The following KASH5 variants were observed in gnomAD, a reference collection of about 807,000 sequenced individuals.
KASH5 encodes the protein KASH domain containing 5, also known as protein KASH5.
In KASH5, 72 loss-of-function variants were observed where a neutral mutation model predicts 84.2. That is an observed-to-expected ratio of 0.85 (90% confidence interval 0.71 to 1.04). The LOEUF (loss-of-function observed/expected upper bound fraction) is 1.04. Among genes scored for constraint, KASH5 ranks in the 50% least tolerant of loss-of-function variants. The probability of loss-of-function intolerance (pLI) is 0.00; values close to 1 mark genes in which losing one functional copy is unlikely to be tolerated. For missense variants in KASH5, 650 were observed against 701.0 expected, an observed-to-expected ratio of 0.93 and a Z score of 0.82; for synonymous variants, 260 against 279.1, an observed-to-expected ratio of 0.93 and a Z score of 0.68.
intron 9 of KASH5, among the ~76,000 whole-genome samples, chr19:49,401,388 C>A (rs1401852605): frequency 3.9e-5 from 6 of 152,224 alleles, no homozygotes; most frequent in Non-Finnish European, 7.3e-5. Flanking sequence ...CTGTCCGTCA[C>A]TCATTTCCCT....
Position 49,414,966 on chromosome 19 carries a change from G to A in KASH5, c.1344G>A (p.Glu448=), listed in dbSNP as rs375930464. ...KEPSMWLTRR[E]EEEDAESQVT... Reference sequence around the variant, plus strand: ...TGGCCCTCAGGTTGACCAGAAGAGAGGAAGAGGAGGATGCAGAGAGCCAGG... The same window carrying A: ...TGGCCCTCAGGTTGACCAGAAGAGAAGAAGAGGAGGATGCAGAGAGCCAGG... Residue 448 remains glutamate (E), a synonymous_variant, in exon 17 of 20, where the codon GAG becomes GAA. Transcript: ENST00000447857. This position sits in a 1 kb window ranked among gnomAD's most constrained non-coding sequence, Gnocchi z 4.5. 6.2e-7 allele frequency: 1 copy of A among 1,613,066 alleles called. No homozygotes were observed.
intron 9 of KASH5, among the ~76,000 whole-genome samples, chr19:49,401,305 A>G (rs1205597190): frequency 6.6e-6 from 1 of 151,954 alleles, no homozygotes; most frequent in Non-Finnish European, 1.5e-5. Context: ...CATGGTGGGG[A>G]GATGTGGCTT....
rs1974818403 is a variant in KASH5 at position 49,414,218 on chromosome 19, G to T, written c.1329-733G>T. ...AGGGAAGGGTCAGGTCTCATCTCCT[G>T]GCCTACAGGCCCAGGGTCTACTCCC... On this transcript the variant is annotated intron_variant, in intron 16 of 19. Transcript: ENST00000447857. The surrounding 1 kb of genome is among the most constrained non-coding windows in gnomAD (Gnocchi z 4.5). 6.6e-6 allele frequency among the ~76,000 whole-genome samples: 1 copy of T among 152,042 alleles called. No homozygotes were observed. Among genetic ancestry groups the T allele is most frequent in the Non-Finnish European group, 1.5e-5 (1 of 67,990 alleles).
At chr19:49,393,682 CGT>C (rs34539350) in intron 2 of KASH5, 8,343 of 142,082 alleles carry the variant, frequency 0.059, 253 homozygotes, top group South Asian at 0.083. Context: ...GACCCCAGGA[CGT>C]GTGTGTGTGT....
Position 49,390,859 on chromosome 19 carries a change from A to G in KASH5, c.-25A>G. ...GAGGGAGGCTGGTAGCTTTGCCAGC[A>G]GCTGCGCCGCGGCAGGGGTGGCCCA... On this transcript the variant is annotated 5_prime_UTR_variant, in exon 2 of 20. Transcript: ENST00000447857. 6.3e-7 allele frequency: 1 copy of G among 1,583,052 alleles called. No homozygotes were observed. Among genetic ancestry groups the G allele is most frequent in the Non-Finnish European group, 8.6e-7 (1 of 1,167,730 alleles).
intron 5 of KASH5, among the ~76,000 whole-genome samples, chr19:49,397,444 G>T (rs1019426834): frequency 4.6e-5 from 7 of 152,102 alleles, no homozygotes; most frequent in Admixed American, 2.6e-4. Context: ...GGGGAGTTAG[G>T]GTTATCTGGG....
intron 2 of KASH5, among the ~76,000 whole-genome samples, chr19:49,391,173 C>G (rs1973992753): frequency 6.6e-6 from 1 of 152,160 alleles, no homozygotes; most frequent in South Asian, 2.1e-4. Flanking sequence ...AGCAGCCGCA[C>G]CCCTTACTCC....
Position 49,400,225 on chromosome 19 carries a change from CAAAAA to C in KASH5, c.798+736_798+740del, listed in dbSNP as rs34052696. Among the ~76,000 whole-genome samples the C allele has an allele frequency of 2.8e-4, 23 of 81,268 alleles. No homozygotes were observed. The South Asian group carries it at 8.8e-3, about 31-fold the overall frequency. 53.3% of individuals were successfully genotyped at this position (81,268 alleles called of 152,430 possible). A position where few individuals can be genotyped will look rare whatever the true frequency, so the allele number is the denominator to read the frequency against. On this transcript the variant is annotated intron_variant, in intron 9 of 19. Coordinates refer to ENST00000447857, the MANE Select transcript of KASH5 (RefSeq NM_144688.5). ...CCTGGATGACAGAGCGAGAGCCTCTCAAAAAAAAAAAAAAAAAAAAAATTGGATTT... is the reference window on the plus strand; with the variant it reads ...CCTGGATGACAGAGCGAGAGCCTCTCAAAAAAAAAAAAAAAAATTGGATTT...
Position 49,412,944 on chromosome 19 carries a change from GAACT to G in KASH5, c.1270-20_1270-17del. 6.2e-7 allele frequency: 1 copy of G among 1,613,218 alleles called. No homozygotes were observed. The highest frequency in any genetic ancestry group is 8.5e-7 in the Non-Finnish European group (1 of 1,179,402). On this transcript the variant is annotated intron_variant, in intron 15 of 19. Coordinates refer to ENST00000447857, the MANE Select transcript of KASH5 (RefSeq NM_144688.5). The surrounding 1 kb of genome is among the most constrained non-coding windows in gnomAD (Gnocchi z 4.6). ...GCTTTGAGTGAGAAGAATCAGAGAA[GAACT>G]AACCTTTTTGTTTCCACAGAGAAAC...
chr19:49,398,202 A>G (rs1248976660), intron 7 of KASH5, 59 bp downstream of exon 7: 2 of 1,447,236 alleles, frequency 1.4e-6, no homozygotes, highest in African/African-American at 1.4e-5. Flanking sequence ...TCCCTGCAGC[A>G]GCCGGCCTCT....
Position 49,417,394 on chromosome 19 carries a change from G to C in KASH5, c.1573G>C (p.Ala525Pro). 1 of 1,554,554 alleles carries C rather than the reference G, an allele frequency of 6.4e-7. No homozygotes were observed. The highest frequency in any genetic ancestry group is 8.7e-7 in the Non-Finnish European group (1 of 1,148,682). ...AGTCACTCGACATCCACTGATCCCA[G>C]CTCCTGTCCTGGGCCTGCTGCTGCT... ...LRVTRHPLIP[A>P]PVLGLLLLLL... The change falls in exon 20 of 20, where the codon GCT becomes CCT. Residue 525 changes from alanine (A) to proline (P), a missense_variant. Ala to Pro is a conservative substitution (Grantham distance 27). Transcript: ENST00000447857. This position sits in a 1 kb window ranked among gnomAD's most constrained non-coding sequence, Gnocchi z 5.2.
Position 49,402,594 on chromosome 19 carries a change from C to T in KASH5, c.798+3087C>T, listed in dbSNP as rs143797526. On this transcript the variant is annotated intron_variant, in intron 9 of 19. Transcript: ENST00000447857. ...TGGTGGCAGGCGTCTGTAATCCCAG[C>T]TACTTGAGAGGCTGAGGCAGGAGAA... 3.1e-3 allele frequency among the ~76,000 whole-genome samples: 473 copies of T among 152,100 alleles called. 4 individuals are homozygous for T. The East Asian group carries it at 0.042, about 13-fold the overall frequency.
Position 49,417,531 on chromosome 19 carries a change from G to C in KASH5, c.*21G>C. On this transcript the variant is annotated 3_prime_UTR_variant, in exon 20 of 20. Transcript: ENST00000447857. The surrounding 1 kb of genome is among the most constrained non-coding windows in gnomAD (Gnocchi z 5.2). ...TGTGAGAGGCTCTACTTGCCCCTCAGAGCAGTGTCTAGCTCAATAAATCCC... is the reference window on the plus strand; with the variant it reads ...TGTGAGAGGCTCTACTTGCCCCTCACAGCAGTGTCTAGCTCAATAAATCCC... 3.3e-6 allele frequency: 5 copies of C among 1,514,116 alleles called. No homozygotes were observed. Among genetic ancestry groups the C allele is most frequent in the Non-Finnish European group, 4.4e-6 (5 of 1,126,536 alleles). The allele number at this position is 1,514,116 out of a possible 1,614,324, so 93.8% of individuals were successfully genotyped here. A position where few individuals can be genotyped will look rare whatever the true frequency, so the allele number is the denominator to read the frequency against.
Position 49,417,817 on chromosome 19 carries a change from T to G in KASH5, c.*307T>G. 3.1e-6 allele frequency: 1 copy of G among 320,968 alleles called. No individual in the cohort carries two copies. Among genetic ancestry groups the G allele is most frequent in the South Asian group, 1.4e-4 (1 of 7,248 alleles). The allele number at this position is 320,968 out of a possible 1,614,324, so 19.9% of individuals were successfully genotyped here. On this transcript the variant is annotated 3_prime_UTR_variant, in exon 20 of 20. Transcript: ENST00000447857. This position sits in a 1 kb window ranked among gnomAD's most constrained non-coding sequence, Gnocchi z 5.2. ...TGCCTTGGGGTCAGGGCCTCAGTGA[T>G]TCTCCTGTCCCCTCCCTCATGCTCA...
At chr19:49,397,844 C>G (rs868367323) in intron 6 of KASH5, 127 bp downstream of exon 6, 2 of 1,439,128 alleles carry the variant, frequency 1.4e-6, no homozygotes, top group Non-Finnish European at 1.9e-6. Flanking sequence ...GCTGAAAGTT[C>G]AGGGAGAGCA....
rs372992146 is a variant in KASH5, at chr19:49,406,939, G to A, written c.852G>A (p.Leu284=). 83 of 1,600,312 alleles carry A rather than the reference G, an allele frequency of 5.2e-5. No individual in the cohort carries two copies. The African/African-American group carries it at 1.0e-3, about 20-fold the overall frequency. ...RDGVKKRSQE[L]AMEKDTLKRQ... The stretch of plus-strand genomic sequence containing the variant: ...GAGTGAAAAAGAGAAGTCAGGAGCT[G>A]GCCATGGAGAAGGACACTTTGAAGG... Residue 284 remains leucine (L), a synonymous_variant, in exon 10 of 20, where the codon CTG becomes CTA. Coordinates refer to ENST00000447857, the MANE Select transcript of KASH5 (RefSeq NM_144688.5).
chr19:49,402,694 G>A (rs141945028), intron 9 of KASH5, among the ~76,000 whole-genome samples: 5,238 of 152,108 alleles, frequency 0.034, 290 homozygotes, highest in African/African-American at 0.12. Context: ...GTGACAGAGC[G>A]AGACTCTGTC....
At chr19:49,398,224 T>C in intron 7 of KASH5, 81 bp downstream of exon 7, 2 of 1,287,086 alleles carry the variant, frequency 1.6e-6, no homozygotes, top group Non-Finnish European at 2.1e-6. Flanking sequence ...TCTCCCATGC[T>C]CGTGTCTGCA....
chr19:49,398,129 T>A lies in KASH5; in HGVS notation c.615T>A (p.Arg205=). ...ARLGEEILAL[R]KQLHSTQQAL... The stretch of plus-strand genomic sequence containing the variant: ...TTGGGGAGGAGATCTTGGCTCTGCG[T>A]AAGCAGCTTCACAGGTGGGCTGGAT... The change falls in exon 7 of 20, where the codon CGT becomes CGA. Residue 205 remains arginine (R), a synonymous_variant. Transcript: ENST00000447857. 1 of 1,584,528 alleles carries A rather than the reference T, an allele frequency of 6.3e-7. No individual in the cohort carries two copies. Among genetic ancestry groups the A allele is most frequent in the African/African-American group, 1.3e-5 (1 of 74,562 alleles).
Sources: gnomAD v4.1 joint callset for allele counts (sites outside exome capture counted in the v4.1 genomes callset) on GRCh38, gnomAD v4.1.1 for gene constraint, Gnocchi (gnomAD v3.1) non-coding constraint, MANE v1.5 for transcripts, NCBI Gene and HGNC (gene_info 2026-07-23, HGNC 2026-07-21) for gene names.